The following DKK2 variants were observed in gnomAD, a reference collection of about 807,000 sequenced individuals.
DKK2 encodes dickkopf Wnt signaling pathway inhibitor 2.
In DKK2, 11 loss-of-function variants were observed where a neutral mutation model predicts 28.1. The ratio of observed to expected loss-of-function variants is 0.39; its 90% CI spans 0.25 to 0.65. The LOEUF (loss-of-function observed/expected upper bound fraction) is 0.65, where lower values mean the gene tolerates loss of function less well. DKK2 is among the 30% of genes least tolerant of loss of function. The pLI is 0.47. For synonymous variants in DKK2, 135 were observed against 126.5 expected, an observed-to-expected ratio of 1.07 and a Z score of -0.45; for missense variants, 326 against 335.5, an observed-to-expected ratio of 0.97 and a Z score of 0.22.
At chr4:107,000,823 A>G (rs1391231776) in intron 1 of DKK2, among the ~76,000 whole-genome samples, 2 of 152,208 alleles carry the variant, frequency 1.3e-5, no homozygotes, top group East Asian at 3.8e-4. Flanking sequence ...TGTATCAAGT[A>G]TGATGTCCAT....
At chr4:106,935,806 A>C (rs547959303) in intron 1 of DKK2, among the ~76,000 whole-genome samples, 3,555 of 152,066 alleles carry the variant, frequency 0.023, 58 homozygotes, top group Non-Finnish European at 0.036. Flanking sequence ...GGGTCTCTGA[A>C]CCCTGACCCC....
intron 1 of DKK2, among the ~76,000 whole-genome samples, chr4:107,033,071 G>A (rs1018403986): frequency 2.0e-5 from 3 of 151,928 alleles, no homozygotes; most frequent in Non-Finnish European, 4.4e-5. Flanking sequence ...CTTCATAACA[G>A]TACATACTTT....
At chr4:106,977,612 C>T (rs1455280619) in intron 1 of DKK2, among the ~76,000 whole-genome samples, 2 of 152,126 alleles carry the variant, frequency 1.3e-5, no homozygotes, top group African/African-American at 2.4e-5. Context: ...GTTCTCTAAA[C>T]TGGTTACTCT....
At chr4:106,988,156 A>T (rs113107134) in intron 1 of DKK2, among the ~76,000 whole-genome samples, 6,373 of 152,176 alleles carry the variant, frequency 0.042, 189 homozygotes, top group Middle Eastern at 0.085. Context: ...GAGCCACCGC[A>T]CCCGGCCCAA....
At chr4:106,973,578 G>A (rs980562705) in intron 1 of DKK2, among the ~76,000 whole-genome samples, 2 of 151,994 alleles carry the variant, frequency 1.3e-5, no homozygotes, top group African/African-American at 4.8e-5. Flanking sequence ...TTTTTGATGG[G>A]GTTTTTGTTT....
intron 1 of DKK2, among the ~76,000 whole-genome samples, chr4:106,977,704 TTTG>T (rs1443319949): frequency 9.9e-5 from 15 of 152,092 alleles, no homozygotes. Context: ...CTCAGAGGAG[TTTG>T]TTATTACCCA....
chr4:106,980,938 C>T lies in DKK2; in HGVS notation c.222+54432G>A, dbSNP rs928781485. On this transcript the variant is annotated intron_variant, in intron 1 of 3. Coordinates refer to ENST00000285311, the MANE Select transcript of DKK2 (RefSeq NM_014421.3). Reference sequence around the variant, plus strand: ...ACTCACAAACATGGTCTCACTTTGTCCTTACAACAACAATATGAAATAAGC... The same window carrying T: ...ACTCACAAACATGGTCTCACTTTGTTCTTACAACAACAATATGAAATAAGC... 2.0e-5 allele frequency among the ~76,000 whole-genome samples: 3 copies of T among 152,210 alleles called. No homozygotes were observed. In the South Asian group the frequency reaches 6.2e-4, roughly 32 times the overall value.
chr4:106,980,374 GT>G (rs1389288102), intron 1 of DKK2, among the ~76,000 whole-genome samples: 1 of 151,980 alleles, frequency 6.6e-6, no homozygotes, highest in African/African-American at 2.4e-5. Flanking sequence ...ACATGTAAAT[GT>G]TTAGGCTCAA....
intron 1 of DKK2, among the ~76,000 whole-genome samples, chr4:107,003,471 A>T (rs1451650950): frequency 1.3e-5 from 2 of 152,248 alleles, no homozygotes; most frequent in Non-Finnish European, 2.9e-5. Flanking sequence ...AAGATTGAAG[A>T]GGTCTGGAGA....
intron 1 of DKK2, among the ~76,000 whole-genome samples, chr4:107,033,641 G>C (rs1469195652): frequency 6.6e-6 from 1 of 152,126 alleles, no homozygotes; most frequent in Non-Finnish European, 1.5e-5. Context: ...ACATAGATTA[G>C]AATGGAAAGG....
At chr4:106,981,824 C>G (rs572087770) in intron 1 of DKK2, among the ~76,000 whole-genome samples, 1 of 152,120 alleles carries the variant, frequency 6.6e-6, no homozygotes, top group East Asian at 1.9e-4. Flanking sequence ...ATCATTCACC[C>G]TATTTATATC....
At chr4:106,940,780 TA>T (rs925963308) in intron 1 of DKK2, among the ~76,000 whole-genome samples, 73 of 152,154 alleles carry the variant, frequency 4.8e-4, no homozygotes, top group African/African-American at 1.6e-3. Context: ...TATGCAGCCA[TA>T]AAAAAGGATG....
At chr4:106,973,513 G>C (rs1440783779) in intron 1 of DKK2, among the ~76,000 whole-genome samples, 2 of 150,958 alleles carry the variant, frequency 1.3e-5, no homozygotes, top group Non-Finnish European at 3.0e-5. Flanking sequence ...TTTCCTGTTT[G>C]TTGGCCACAT....
chr4:106,978,807 A>G (rs1326026002), intron 1 of DKK2, among the ~76,000 whole-genome samples: 1 of 151,792 alleles, frequency 6.6e-6, no homozygotes, highest in African/African-American at 2.4e-5. Flanking sequence ...GAAAAAGAAA[A>G]CAAACAAACT....
chr4:106,975,629 T>C (rs1436156856), intron 1 of DKK2, among the ~76,000 whole-genome samples: 1 of 152,182 alleles, frequency 6.6e-6, no homozygotes, highest in Non-Finnish European at 1.5e-5. Context: ...TTCTTCTCTC[T>C]TTCCTTCTTT....
At chr4:107,030,057 T>C (rs930083601) in intron 1 of DKK2, among the ~76,000 whole-genome samples, 2 of 152,086 alleles carry the variant, frequency 1.3e-5, no homozygotes, top group East Asian at 3.8e-4. Flanking sequence ...GAATACATGT[T>C]AGAGTAGCAA....
At chr4:106,979,139 G>A (rs1722991174) in intron 1 of DKK2, among the ~76,000 whole-genome samples, 2 of 152,066 alleles carry the variant, frequency 1.3e-5, no homozygotes, top group African/African-American at 4.8e-5. Context: ...TGGATGACAG[G>A]AAATTCAGAG....
rs147933644 is a variant in DKK2, at chr4:106,968,588, A to C, written c.223-42639T>G. On this transcript the variant is annotated intron_variant, in intron 1 of 3. Transcript: ENST00000285311. ...TGAGACCATGCTTTATATATTCTTA[A>C]AATTATTGCAAACATTATATTTACT... is the stretch of plus-strand genomic sequence containing the variant. 4.1e-3 allele frequency among the ~76,000 whole-genome samples: 604 copies of C among 146,680 alleles called. 8 individuals carry two copies. The highest frequency in any genetic ancestry group is 0.015 in the African/African-American group (582 of 39,128).
At chr4:107,004,792 T>C (rs1217891960) in intron 1 of DKK2, among the ~76,000 whole-genome samples, 2 of 152,198 alleles carry the variant, frequency 1.3e-5, no homozygotes, top group Non-Finnish European at 2.9e-5. Flanking sequence ...CAAGGGTCTT[T>C]AAAACTGGAG....
Sources: allele counts gnomAD v4.1 joint callset (sites outside exome capture counted in the v4.1 genomes callset), GRCh38; gene constraint gnomAD v4.1.1; transcripts MANE v1.5; gene names NCBI Gene and HGNC (gene_info 2026-07-23, HGNC 2026-07-21).